RIPOR2: variants seen among roughly 807,000 people sequenced by gnomAD.
RIPOR2 encodes the protein RHO family interacting cell polarization regulator 2.
Under a neutral mutation model 114.5 loss-of-function variants are expected in RIPOR2, and 39 were observed. The observed-to-expected ratio is 0.34, with a 90% CI of 0.26 to 0.44. The LOEUF (loss-of-function observed/expected upper bound fraction) is 0.44. Among genes scored for constraint, RIPOR2 ranks in the 20% least tolerant of loss-of-function variants. RIPOR2 has a pLI of 1.00. For synonymous variants in RIPOR2, 445 were observed against 484.4 expected (o/e 0.92, Z 1.07); for missense variants, 1,007 against 1,255.1 (o/e 0.80, Z 2.99).
intron 8 of RIPOR2, among the ~76,000 whole-genome samples, chr6:24,853,737 T>G (rs954398183): frequency 1.3e-5 from 2 of 152,192 alleles, no homozygotes; most frequent in African/African-American, 4.8e-5. Flanking sequence ...CGTTAATACA[T>G]GGTAATGACA....
intron 1 of RIPOR2, among the ~76,000 whole-genome samples, chr6:24,912,218 T>C (rs1480553771): frequency 6.6e-6 from 1 of 152,246 alleles, no homozygotes; most frequent in African/African-American, 2.4e-5. Flanking sequence ...CTCTGTCTGA[T>C]ATAAGCTGTC....
At chr6:24,848,292 T>A in intron 11 of RIPOR2, 138 bp from the exon 12 acceptor site, 1 of 851,270 alleles carries the variant, frequency 1.2e-6, no homozygotes, top group Non-Finnish European at 1.8e-6. Context: ...TTAGCTAAAC[T>A]GCTTTGCAGA....
chr6:24,890,550 G>A (rs1178053416), intron 1 of RIPOR2, among the ~76,000 whole-genome samples: 1 of 152,110 alleles, frequency 6.6e-6, no homozygotes, highest in Non-Finnish European at 1.5e-5. Context: ...TGGATACCAT[G>A]TATGTTATTT....
At chr6:24,967,506 C>T (rs974444900) in intron 1 of RIPOR2, among the ~76,000 whole-genome samples, 2 of 152,116 alleles carry the variant, frequency 1.3e-5, no homozygotes, top group African/African-American at 4.8e-5. Context: ...ATCAAGATCA[C>T]ACAGCTGGTG....
intron 8 of RIPOR2, among the ~76,000 whole-genome samples, chr6:24,853,761 TG>T (rs987209750): frequency 2.5e-4 from 38 of 151,676 alleles, no homozygotes; most frequent in African/African-American, 8.2e-4. Context: ...TATCCAAGAG[TG>T]GGATAATACT....
At chr6:24,854,018 C>A (rs1179134068) in intron 8 of RIPOR2, among the ~76,000 whole-genome samples, 4 of 150,884 alleles carry the variant, frequency 2.7e-5, no homozygotes, top group African/African-American at 9.8e-5. Flanking sequence ...TGCTCAGAGG[C>A]TGAGGTGGGA....
chr6:24,947,182 C>T (rs544844777), intron 1 of RIPOR2, among the ~76,000 whole-genome samples: 4 of 152,170 alleles, frequency 2.6e-5, no homozygotes, highest in South Asian at 2.1e-4. Flanking sequence ...CCTTCCCTCC[C>T]GCAAATTCGG....
chr6:25,013,229 TTTGA>T (rs1775845701), intron 1 of RIPOR2, among the ~76,000 whole-genome samples: 1 of 152,166 alleles, frequency 6.6e-6, no homozygotes, highest in African/African-American at 2.4e-5. Flanking sequence ...AGCTCTAACG[TTTGA>T]TTGGATAATT....
In RIPOR2 at chr6:24,954,456, C is replaced by CTTTTTTTTTTTTTT. The variant is rs10667748; in HGVS notation, c.77-78653_77-78640dup. Reference sequence around the variant, plus strand: ...ACTGTGCAGGCCCAGTCTCTCTCTCCTTTTTTTTTTTTTTTTTGAGACAGG... The same window carrying CTTTTTTTTTTTTTT: ...ACTGTGCAGGCCCAGTCTCTCTCTCCTTTTTTTTTTTTTTTTTTTTTTTTTTTTTTTGAGACAGG... On this transcript the variant is annotated intron_variant, in intron 1 of 13. Coordinates refer to the RIPOR2 transcript ENST00000510784. 1.5e-5 allele frequency among the ~76,000 whole-genome samples: 2 copies of CTTTTTTTTTTTTTT among 132,390 alleles called. 1 individual carries two copies. Among genetic ancestry groups the CTTTTTTTTTTTTTT allele is most frequent in the Non-Finnish European group, 3.1e-5 (2 of 64,416 alleles). The allele number at this position is 132,390 out of a possible 152,430, so 86.9% of individuals were successfully genotyped here.
rs1180980134 is a variant in RIPOR2, at chr6:24,830,567, C to T, written c.2448G>A (p.Gln816=). ...CAGTTCTGGCAAAGCTGGCCTCCAG[C>T]TGCTTCATCACTCTGTCCGCTGGGC... ...YHSPADRVMK[Q]LEASFARTVN... The change falls in exon 17 of 22, where the codon CAG becomes CAA. Residue 816 remains glutamine, a synonymous_variant. Transcript: ENST00000643898. 6.4e-7 allele frequency: 1 copy of T among 1,551,336 alleles called. No homozygotes were observed. Among genetic ancestry groups the T allele is most frequent in the African/African-American group, 1.4e-5 (1 of 73,024 alleles).
At chr6:24,846,545 A>G (rs1562253588) in intron 12 of RIPOR2, among the ~76,000 whole-genome samples, 1 of 151,906 alleles carries the variant, frequency 6.6e-6, no homozygotes, top group African/African-American at 2.4e-5. Flanking sequence ...GGCTCAAGCA[A>G]TCCACCTGCC....
chr6:24,906,809 CT>C (rs777297044), intron 1 of RIPOR2, among the ~76,000 whole-genome samples: 10 of 150,964 alleles, frequency 6.6e-5, no homozygotes, highest in Non-Finnish European at 1.2e-4. Flanking sequence ...GCTAATTTTT[CT>C]TTTTTTTTCA....
chr6:25,029,105 G>A (rs1776768847), intron 1 of RIPOR2, among the ~76,000 whole-genome samples: 1 of 152,116 alleles, frequency 6.6e-6, no homozygotes, highest in Admixed American at 6.5e-5. Flanking sequence ...TGGCCAACAT[G>A]GTGAAACCCC....
intron 1 of RIPOR2, among the ~76,000 whole-genome samples, chr6:24,879,824 T>C (rs2747683): frequency 0.49 from 74,580 of 152,036 alleles, 20,060 homozygotes; most frequent in African/African-American, 0.72. Context: ...CCTCTTAGCA[T>C]CTTATATCTT....
At chr6:24,997,818 G>A (rs1249933279) in intron 1 of RIPOR2, among the ~76,000 whole-genome samples, 1 of 152,180 alleles carries the variant, frequency 6.6e-6, no homozygotes, top group Non-Finnish European at 1.5e-5. Flanking sequence ...AGTGATTCCC[G>A]AAGTGTGGCC....
chr6:24,835,891 C>T lies in RIPOR2; in HGVS notation c.2040-20G>A, dbSNP rs1761067952. On this transcript the variant is annotated intron_variant, in intron 14 of 21. Coordinates refer to ENST00000643898, the MANE Select transcript of RIPOR2 (RefSeq NM_001286445.3). ...CTGTAACTATTGAAGGTGGGCAAAA[C>T]ATTAGCTATTCTTTTTCTGTGCACA... 1 of 1,550,508 alleles carries T rather than the reference C, an allele frequency of 6.4e-7. No individual in the cohort carries two copies. Among genetic ancestry groups the T allele is most frequent in the African/African-American group, 1.4e-5 (1 of 72,998 alleles).
At chr6:25,011,594 T>G (rs1775777049) in intron 1 of RIPOR2, among the ~76,000 whole-genome samples, 1 of 152,270 alleles carries the variant, frequency 6.6e-6, no homozygotes, top group Non-Finnish European at 1.5e-5. Context: ...CAAAGTTTAT[T>G]GTTTCTTGGG....
chr6:24,914,341 A>C (rs539702653), intron 1 of RIPOR2, among the ~76,000 whole-genome samples: 4 of 151,680 alleles, frequency 2.6e-5, no homozygotes, highest in South Asian at 2.1e-4. Context: ...CAACAACAAC[A>C]ACCAAAACAA....
chr6:24,875,098 G>A (rs1002436137), intron 2 of RIPOR2, among the ~76,000 whole-genome samples: 8 of 152,188 alleles, frequency 5.3e-5, no homozygotes, highest in Non-Finnish European at 8.8e-5. Context: ...TGCCATCACC[G>A]TGTGCACAAA....
Sources: gnomAD v4.1 joint callset for allele counts (sites outside exome capture counted in the v4.1 genomes callset) on GRCh38, gnomAD v4.1.1 for gene constraint, MANE v1.5 for transcripts, NCBI Gene and HGNC (gene_info 2026-07-23, HGNC 2026-07-21) for gene names.